Variants in COG7 observed in about 807,000 individuals in gnomAD.
The protein encoded by COG7 is component of oligomeric golgi complex 7.
In COG7, 49 loss-of-function variants were observed where a neutral mutation model predicts 91.5. The ratio of observed to expected loss-of-function variants is 0.54; its 90% confidence interval spans 0.43 to 0.68. The LOEUF (loss-of-function observed/expected upper bound fraction) is 0.68. Among genes scored for constraint, COG7 ranks in the 30% least tolerant of loss-of-function variants. COG7 has a pLI of 0.00. For synonymous variants in COG7, 365 were observed against 388.7 expected (o/e 0.94, Z 0.72); for missense variants, 895 against 961.3 (o/e 0.93, Z 0.91).
At chr16:23,433,708 A>G (rs770892976) in intron 5 of COG7, 41 bp from the exon 6 acceptor site, 6 of 1,612,486 alleles carry the variant, frequency 3.7e-6, no homozygotes, top group East Asian at 2.2e-5. Flanking sequence ...GGGTACGTCA[A>G]CATAGGTTGC....
Position 23,434,629 on chromosome 16 carries a change from T to G in COG7, c.687+7A>C, listed in dbSNP as rs199964250. 37 of 1,608,070 alleles carry G rather than the reference T, an allele frequency of 2.3e-5. No homozygotes were observed. In the East Asian group the frequency reaches 7.6e-4, roughly 33 times the overall value. On this transcript the variant is annotated splice_region_variant and intron_variant, in intron 5 of 16. Transcript: ENST00000307149. Reference sequence around the variant, plus strand: ...CTGCACAACTGTCATCGCGCACAGCTTCTTACCTTGTGACACTTGTAGTAG... The same window carrying G: ...CTGCACAACTGTCATCGCGCACAGCGTCTTACCTTGTGACACTTGTAGTAG...
At position 23,445,913 on chromosome 16, in the gene COG7, A is replaced by G. The variant is rs1596958181; in HGVS notation, c.218T>C (p.Val73Ala). Residue 73 changes from valine to alanine, a missense_variant, in exon 2 of 17, where the codon GTT becomes GCT. Val to Ala is a moderately conservative substitution (Grantham distance 64, BLOSUM62 0). Coordinates refer to ENST00000307149, the MANE Select transcript of COG7 (RefSeq NM_153603.4). ...AGATGCCTCCTGTTTTAGGGCTTCAACATCACGGAGCACTTTGGGCATGTT... is the reference window on the plus strand; with the variant it reads ...AGATGCCTCCTGTTTTAGGGCTTCAGCATCACGGAGCACTTTGGGCATGTT... ...LQNMPKVLRDVEALKQEASFL... is the reference protein window; with the variant it reads ...LQNMPKVLRDAEALKQEASFL... 6.2e-7 allele frequency: 1 copy of G among 1,613,904 alleles called. No homozygotes were observed. The highest frequency in any genetic ancestry group is 8.5e-7 in the Non-Finnish European group (1 of 1,179,954).
At chr16:23,434,791 T>A (rs1359312372) in intron 4 of COG7, 73 bp from the exon 5 acceptor site, 3 of 964,918 alleles carry the variant, frequency 3.1e-6, no homozygotes, top group Non-Finnish European at 5.0e-6. Flanking sequence ...CTCACCAGGA[T>A]GAAGGTGGAT....
chr16:23,433,684 A>C lies in COG7; in HGVS notation c.688-17T>G. The C allele has an allele frequency of 6.2e-7, 1 of 1,613,784 alleles. No homozygotes were observed. Among genetic ancestry groups the C allele is most frequent in the Non-Finnish European group, 8.5e-7 (1 of 1,179,836 alleles). ...AAGCTGCACCTGCAGAGACAGAACAAAGGGAACCTTATTGGGTACGTCAAC... is the reference window on the plus strand; with the variant it reads ...AAGCTGCACCTGCAGAGACAGAACACAGGGAACCTTATTGGGTACGTCAAC... On this transcript the variant is annotated splice_polypyrimidine_tract_variant and intron_variant, in intron 5 of 16. Coordinates refer to ENST00000307149, the MANE Select transcript of COG7 (RefSeq NM_153603.4).
intron 3 of COG7, among the ~76,000 whole-genome samples, chr16:23,443,765 G>C (rs1379381755): frequency 1.3e-5 from 2 of 152,118 alleles, no homozygotes; most frequent in Admixed American, 6.6e-5. Context: ...AATGAGCTTT[G>C]TGAGGAAAAA....
chr16:23,418,283 T>G (rs542136663), intron 8 of COG7, among the ~76,000 whole-genome samples: 37 of 152,040 alleles, frequency 2.4e-4, no homozygotes, highest in Non-Finnish European at 4.3e-4. Context: ...GGTGGGTGGG[T>G]TGCTTGAGCC....
chr16:23,411,882 C>CTT (rs1230807496), intron 10 of COG7, among the ~76,000 whole-genome samples: 12 of 137,750 alleles, frequency 8.7e-5, no homozygotes, highest in African/African-American at 2.1e-4. Flanking sequence ...TTCCAGATTG[C>CTT]TTTTTTTTTT....
intron 1 of COG7, among the ~76,000 whole-genome samples, chr16:23,450,456 A>T (rs1286550095): frequency 6.6e-6 from 1 of 152,186 alleles, no homozygotes; most frequent in Non-Finnish European, 1.5e-5. Flanking sequence ...CGAGCAAGAT[A>T]AACTTTTCCT....
chr16:23,393,994 G>C (rs1171344102), intron 14 of COG7, among the ~76,000 whole-genome samples: 1 of 146,890 alleles, frequency 6.8e-6, no homozygotes, highest in Non-Finnish European at 1.5e-5. Context: ...AGTGAGCCAA[G>C]ATCATGCCAT....
Position 23,390,266 on chromosome 16 carries a change from G to A in COG7, c.2147-1180C>T, listed in dbSNP as rs909357575. 6 of 149,044 alleles carry A rather than the reference G, an allele frequency of 4.0e-5. No individual in the cohort carries two copies. In the East Asian group the frequency reaches 6.0e-4, roughly 15 times the overall value. The allele number at this position is 149,044 out of a possible 1,614,324, so 9.2% of individuals were successfully genotyped here. A position where few individuals can be genotyped will look rare whatever the true frequency, so the allele number is the denominator to read the frequency against. ...TGCCCAGGCTGGAGTGCAATGCTGC[G>A]ATCTCGGCTCACTGCAACCTCCGCC... On this transcript the variant is annotated intron_variant, in intron 16 of 16. Transcript: ENST00000307149.
chr16:23,446,434 C>T, intron 1 of COG7: 1 of 156,730 alleles, frequency 6.4e-6, no homozygotes, highest in Non-Finnish European at 1.4e-5. Context: ...CCAATGCCTG[C>T]TTTCCATGGT....
At chr16:23,452,743 C>A in intron 1 of COG7, 83 bp downstream of exon 1, 1 of 1,530,830 alleles carries the variant, frequency 6.5e-7, no homozygotes. Context: ...CCCCGCCCAC[C>A]TGAGTGCCTC....
intron 7 of COG7, among the ~76,000 whole-genome samples, chr16:23,421,661 A>G (rs1025564363): frequency 2.6e-5 from 4 of 151,934 alleles, no homozygotes; most frequent in African/African-American, 9.7e-5. Flanking sequence ...AAAAGAATCT[A>G]GTGCTGGTGA....
intron 9 of COG7, 125 bp downstream of exon 9, chr16:23,416,842 T>A (rs949696316): frequency 9.3e-7 from 1 of 1,079,728 alleles, no homozygotes; most frequent in Non-Finnish European, 1.4e-6. Context: ...CTTAACAACA[T>A]CCTCTTGGGT....
chr16:23,446,297 A>G (rs1596958643), intron 1 of COG7: 5 of 400,288 alleles, frequency 1.2e-5, no homozygotes, highest in Non-Finnish European at 2.3e-5. Context: ...CTTTGCATAC[A>G]TCATATTACT....
intron 12 of COG7, among the ~76,000 whole-genome samples, chr16:23,405,487 C>T (rs959220709): frequency 8.6e-5 from 13 of 151,800 alleles, no homozygotes; most frequent in African/African-American, 2.9e-4. Context: ...TCCCCCTAGC[C>T]GCAGATCTAA....
intron 1 of COG7, among the ~76,000 whole-genome samples, chr16:23,449,291 A>T (rs1426579913): frequency 6.6e-6 from 1 of 151,672 alleles, no homozygotes; most frequent in Non-Finnish European, 1.5e-5. Flanking sequence ...TAAACCCTGG[A>T]GGCAGAGCTT....
At chr16:23,433,808 A>C in intron 5 of COG7, 141 bp from the exon 6 acceptor site, 1 of 838,452 alleles carries the variant, frequency 1.2e-6, no homozygotes, top group Non-Finnish European at 1.9e-6. Context: ...ATTCACTTCA[A>C]AGAAAGGCAG....
Position 23,433,588 on chromosome 16 carries a change from G to T in COG7, c.767C>A (p.Ala256Asp), listed in dbSNP as rs116427481. 1 of 1,614,030 alleles carries T rather than the reference G, an allele frequency of 6.2e-7. No homozygotes were observed. The highest frequency in any genetic ancestry group is 8.5e-7 in the Non-Finnish European group (1 of 1,179,988). Residue 256 changes from alanine to aspartate, a missense_variant, in exon 6 of 17, where the codon GCC (alanine) becomes GAC (aspartate). By Grantham distance (126) the Ala-to-Asp change is moderately radical. Coordinates refer to ENST00000307149, the MANE Select transcript of COG7 (RefSeq NM_153603.4). ...LDRQLTGLYD[A>D]LLGAWHTQIQ... is the part of the protein sequence containing the mutation. ...TTGTGTGTGCCAAGCACCAAGCAAG[G>T]CATCATAGAGTCCGGTAAGCTGCCG...
Sources: gnomAD v4.1 joint callset for allele counts (sites outside exome capture counted in the v4.1 genomes callset) on GRCh38, gnomAD v4.1.1 for gene constraint, MANE v1.5 for transcripts, NCBI Gene and HGNC (gene_info 2026-07-23, HGNC 2026-07-21) for gene names.